Variants in PLEKHA5 observed in about 807,000 individuals in gnomAD.
PLEKHA5 encodes the protein pleckstrin homology domain-containing family A member 5.
A neutral mutation model predicts 181.9 loss-of-function variants in PLEKHA5; 55 were observed. The observed-to-expected ratio is 0.30, with a 90% CI of 0.24 to 0.38. The LOEUF (loss-of-function observed/expected upper bound fraction) is 0.38. Among genes scored for constraint, PLEKHA5 ranks in the 10% least tolerant of loss-of-function variants. The probability of loss-of-function intolerance (pLI) is 1.00; values close to 1 mark genes in which losing one functional copy is unlikely to be tolerated. For missense variants in PLEKHA5, 1,432 were observed against 1,549.5 expected (o/e 0.92, Z 1.27); for synonymous variants, 535 against 529.4 (o/e 1.01, Z -0.15).
chr12:19,298,408 C>CTTTTTTTT (rs533661916), intron 15 of PLEKHA5, among the ~76,000 whole-genome samples: 4 of 106,334 alleles, frequency 3.8e-5, no homozygotes, highest in African/African-American at 7.4e-5. Flanking sequence ...ATTTTTTTAG[C>CTTTTTTTT]TTTTTTTTTT....
chr12:19,154,126 T>A (rs1261448756), intron 3 of PLEKHA5: 2 of 152,202 alleles, frequency 1.3e-5, no homozygotes, highest in Non-Finnish European at 2.9e-5. Flanking sequence ...TGAGGGGACC[T>A]CCACCTCCGG....
In PLEKHA5 at chr12:19,322,663, C is replaced by T. The variant is rs1279778856; in HGVS notation, c.2444C>T (p.Thr815Ile). 3 of 1,610,244 alleles carry T rather than the reference C, an allele frequency of 1.9e-6. No homozygotes were observed. Among genetic ancestry groups the T allele is most frequent in the East Asian group, 2.2e-5 (1 of 44,862 alleles). ...ACGTGTCGAGAACTTTCTCGAGCCA[C>T]TGCCGTAAGTAGATTTTTTTTTTCC... is the stretch of plus-strand genomic sequence containing the variant. ...LSTCRELSRA[T>I]AELERAWREY... Residue 815 changes from threonine to isoleucine, a missense_variant, in exon 20 of 32, where the codon ACT becomes ATT. By Grantham distance (89) the Thr-to-Ile change is moderately conservative. This residue lies in a region of PLEKHA5 where 1,143 missense variants were observed against 1,168.4 expected (regional missense o/e 0.98). Transcript: ENST00000429027.
At chr12:19,290,142 A>AG (rs150966119) in intron 13 of PLEKHA5, among the ~76,000 whole-genome samples, 1,828 of 151,904 alleles carry the variant, frequency 0.012, 18 homozygotes, top group Non-Finnish European at 0.017. Context: ...GGCAGGGCTC[A>AG]GGCTGGTCTC....
At chr12:19,309,124 G>T (rs2085382681) in intron 15 of PLEKHA5, among the ~76,000 whole-genome samples, 1 of 152,064 alleles carries the variant, frequency 6.6e-6, no homozygotes, top group Admixed American at 6.6e-5. Context: ...CAAAATTTTT[G>T]TGATTTTGGT....
At chr12:19,307,021 C>T (rs1266839563) in intron 15 of PLEKHA5, 1 of 1,489,804 alleles carries the variant, frequency 6.7e-7, no homozygotes, top group South Asian at 1.1e-5. Context: ...TACTCTTGTT[C>T]CTGCCCTTGC....
intron 20 of PLEKHA5, among the ~76,000 whole-genome samples, chr12:19,334,830 ATATATAT>A (rs1366685000): frequency 0.02 from 752 of 36,972 alleles, 151 homozygotes; most frequent in South Asian, 0.046. Context: ...AAAAAAAAAA[ATATATAT>A]ATATATATAT....
intron 20 of PLEKHA5, among the ~76,000 whole-genome samples, chr12:19,327,896 T>C (rs2092399501): frequency 6.6e-6 from 1 of 152,118 alleles, no homozygotes; most frequent in Non-Finnish European, 1.5e-5. Flanking sequence ...CTGCCCACTT[T>C]GGTCTCCCAT....
chr12:19,216,250 G>C (rs1592095206), intron 3 of PLEKHA5, among the ~76,000 whole-genome samples: 1 of 152,158 alleles, frequency 6.6e-6, no homozygotes, highest in East Asian at 1.9e-4. Context: ...AAATAGGCAG[G>C]CTTCCTTTGG....
intron 26 of PLEKHA5, among the ~76,000 whole-genome samples, chr12:19,354,311 C>G (rs945479846): frequency 1.4e-5 from 2 of 147,860 alleles, no homozygotes; most frequent in Non-Finnish European, 3.0e-5. Flanking sequence ...GCCACCACGC[C>G]CGGCTAATTT....
chr12:19,146,220 A>C (rs2038883152), intron 3 of PLEKHA5, among the ~76,000 whole-genome samples: 1 of 152,198 alleles, frequency 6.6e-6, no homozygotes, highest in East Asian at 1.9e-4. Context: ...TACTGTACTT[A>C]AGTTTTGGCT....
intron 20 of PLEKHA5, among the ~76,000 whole-genome samples, chr12:19,325,516 C>T (rs946508970): frequency 4.0e-5 from 6 of 151,672 alleles, no homozygotes; most frequent in Middle Eastern, 3.4e-3. Context: ...GGTGAAACCC[C>T]GCCTCTAATA....
chr12:19,359,629 G>T (rs11044515), intron 28 of PLEKHA5, 83 bp downstream of exon 28: 1 of 1,350,260 alleles, frequency 7.4e-7, no homozygotes. Flanking sequence ...AAAATAAAGT[G>T]TGTTTCTTTC....
intron 3 of PLEKHA5, among the ~76,000 whole-genome samples, chr12:19,161,694 A>G (rs1487297926): frequency 6.6e-6 from 1 of 152,232 alleles, no homozygotes; most frequent in African/African-American, 2.4e-5. Context: ...TAGGACTTTA[A>G]CTTTCTAAAG....
chr12:19,235,123 T>C (rs1356665301), intron 3 of PLEKHA5, among the ~76,000 whole-genome samples: 1 of 152,222 alleles, frequency 6.6e-6, no homozygotes, highest in African/African-American at 2.4e-5. Flanking sequence ...ACTACTTCTC[T>C]AAAACATATG....
chr12:19,192,564 G>C (rs747418728), intron 3 of PLEKHA5, among the ~76,000 whole-genome samples: 1 of 152,054 alleles, frequency 6.6e-6, no homozygotes, highest in Non-Finnish European at 1.5e-5. Context: ...TTAGCCGGGC[G>C]TGGTGGCATT....
At chr12:19,328,662 G>T (rs1374507661) in intron 20 of PLEKHA5, among the ~76,000 whole-genome samples, 1 of 151,808 alleles carries the variant, frequency 6.6e-6, no homozygotes, top group Non-Finnish European at 1.5e-5. Context: ...GTATAGAAAT[G>T]CCAGTGATTT....
intron 21 of PLEKHA5, among the ~76,000 whole-genome samples, chr12:19,342,407 A>C (rs1215263193): frequency 2.0e-5 from 3 of 152,134 alleles, no homozygotes; most frequent in Non-Finnish European, 2.9e-5. Flanking sequence ...CTGTAATCCC[A>C]GCACTTTGGG....
rs1267993998 is a variant in PLEKHA5 at position 19,257,497 on chromosome 12, C to T, written c.497C>T (p.Pro166Leu). 7.5e-6 allele frequency: 12 copies of T among 1,607,650 alleles called. No homozygotes were observed. Among genetic ancestry groups the T allele is most frequent in the Non-Finnish European group, 1.0e-5 (12 of 1,176,540 alleles). The change falls in exon 6 of 32, where the codon CCT (proline) becomes CTT (leucine). Residue 166 changes from proline (P) to leucine (L), a missense_variant. Physicochemically the swap from Pro to Leu is moderately conservative, Grantham distance 98. Around this residue, in one of 2 missense-constraint regions of PLEKHA5, gnomAD observed 289 missense variants for 381.1 expected, o/e 0.76. Coordinates refer to ENST00000429027, the MANE Select transcript of PLEKHA5 (RefSeq NM_001256470.2). ...GKRSNSIKRN[P>L]NAPVVRRGWL... The stretch of plus-strand genomic sequence containing the variant: ...AGGTCAAATTCAATTAAAAGGAATC[C>T]TAATGCACCGGTTGTCAGACGAGGT...
intron 15 of PLEKHA5, among the ~76,000 whole-genome samples, chr12:19,302,129 C>T (rs1050535794): frequency 6.6e-6 from 1 of 152,034 alleles, no homozygotes; most frequent in African/African-American, 2.4e-5. Context: ...GAGTTTTTTG[C>T]TTTTGTTAAG....
Sources: gnomAD v4.1 joint callset for allele counts (sites outside exome capture counted in the v4.1 genomes callset) on GRCh38, gnomAD v4.1.1 for gene constraint, gnomAD v4.1.1 regional missense constraint, MANE v1.5 for transcripts, NCBI Gene and HGNC (gene_info 2026-07-23, HGNC 2026-07-21) for gene names.